Variants in DOK6 observed in about 807,000 individuals in gnomAD.
DOK6 encodes the protein docking protein 6.
In DOK6, 22 loss-of-function variants were observed where a neutral mutation model predicts 44.0. The observed-to-expected ratio is 0.50, with a 90% CI of 0.36 to 0.71. DOK6 has a LOEUF of 0.71. Among genes scored for constraint, DOK6 ranks in the 30% least tolerant of loss-of-function variants. DOK6 has a pLI of 0.00. For missense variants in DOK6, 340 were observed against 416.4 expected, an observed-to-expected ratio of 0.82 and a Z score of 1.60; for synonymous variants, 166 against 145.5, an observed-to-expected ratio of 1.14 and a Z score of -1.01.
chr18:69,643,679 T>C (rs1267796983), intron 3 of DOK6: 1 of 152,160 alleles, frequency 6.6e-6, no homozygotes, highest in Non-Finnish European at 1.5e-5. Context: ...CTGGGGCCAT[T>C]TGGGAGCCTT....
chr18:69,650,752 A>G (rs73463970), intron 3 of DOK6, among the ~76,000 whole-genome samples: 2,635 of 152,284 alleles, frequency 0.017, 72 homozygotes, highest in African/African-American at 0.06. Flanking sequence ...TCTCATGTTC[A>G]GTGTTCTTAC....
chr18:69,604,513 A>G (rs1476780839), intron 3 of DOK6, among the ~76,000 whole-genome samples: 1 of 152,214 alleles, frequency 6.6e-6, no homozygotes, highest in Non-Finnish European at 1.5e-5. Context: ...GTTTTCAACT[A>G]CTTTAAATAT....
intron 1 of DOK6, among the ~76,000 whole-genome samples, chr18:69,404,786 G>GGTGT (rs59807127): frequency 6.1e-4 from 92 of 149,944 alleles, no homozygotes; most frequent in African/African-American, 1.9e-3. Context: ...AGGATAGGGT[G>GGTGT]GTGTGTGTGT....
At chr18:69,403,215 C>A (rs1916135897) in intron 1 of DOK6, among the ~76,000 whole-genome samples, 1 of 152,146 alleles carries the variant, frequency 6.6e-6, no homozygotes, top group African/African-American at 2.4e-5. Flanking sequence ...GCCTGAGCAT[C>A]CCCTTCCTGC....
chr18:69,696,081 G>A (rs748526446), intron 4 of DOK6, among the ~76,000 whole-genome samples: 15 of 152,030 alleles, frequency 9.9e-5, no homozygotes, highest in African/African-American at 1.7e-4. Context: ...AGACAGAGAC[G>A]GAGACAGAGA....
chr18:69,451,043 C>T (rs1341948641), intron 1 of DOK6, among the ~76,000 whole-genome samples: 1 of 145,032 alleles, frequency 6.9e-6, no homozygotes, highest in Non-Finnish European at 1.5e-5. Flanking sequence ...ATGACAGGAT[C>T]AAATTCACAC....
chr18:69,764,848 G>A (rs571098234), intron 7 of DOK6, among the ~76,000 whole-genome samples: 1 of 152,214 alleles, frequency 6.6e-6, no homozygotes, highest in African/African-American at 2.4e-5. Flanking sequence ...AGCTTTAGGA[G>A]TTCTGCTTTC....
At chr18:69,670,879 A>G (rs1012139468) in intron 3 of DOK6, among the ~76,000 whole-genome samples, 1 of 152,092 alleles carries the variant, frequency 6.6e-6, no homozygotes, top group African/African-American at 2.4e-5. Context: ...ACAGAAATGC[A>G]TTCATTCTCA....
intron 7 of DOK6, among the ~76,000 whole-genome samples, chr18:69,822,933 T>C (rs945126780): frequency 6.6e-6 from 1 of 152,228 alleles, no homozygotes; most frequent in African/African-American, 2.4e-5. Context: ...ACATTTAGCT[T>C]TATAGTATTT....
At chr18:69,797,036 T>G (rs1310487440) in intron 7 of DOK6, among the ~76,000 whole-genome samples, 1 of 152,132 alleles carries the variant, frequency 6.6e-6, no homozygotes, top group Non-Finnish European at 1.5e-5. Context: ...TCTACTAATT[T>G]CTTTGAAGTT....
At chr18:69,617,892 C>T (rs997890076) in intron 3 of DOK6, among the ~76,000 whole-genome samples, 1 of 151,958 alleles carries the variant, frequency 6.6e-6, no homozygotes, top group African/African-American at 2.4e-5. Context: ...GTGAATGTGA[C>T]ATTATGCAGA....
At chr18:69,673,690 C>G (rs530099663) in intron 3 of DOK6, among the ~76,000 whole-genome samples, 3 of 152,132 alleles carry the variant, frequency 2.0e-5, no homozygotes, top group Non-Finnish European at 4.4e-5. Context: ...TGGAAATTAC[C>G]AAATTTCTTC....
rs1252173331 is a variant in DOK6, at chr18:69,605,071, TC to T, written c.289+5576del. Among the ~76,000 whole-genome samples, 9 of 142,544 alleles carry T rather than the reference TC, an allele frequency of 6.3e-5. No homozygotes were observed. The South Asian group carries it at 1.2e-3, about 18-fold the overall frequency. 93.5% of individuals were successfully genotyped at this position (142,544 alleles called of 152,430 possible). A position where few individuals can be genotyped will look rare whatever the true frequency, so the allele number is the denominator to read the frequency against. Reference sequence around the variant, plus strand: ...TTTTTGAGACCCCTGTTAGGAGAGATCCCTTTGTGTGTGTGTGTGTGTGTGT... The same window carrying T: ...TTTTTGAGACCCCTGTTAGGAGAGATCCTTTGTGTGTGTGTGTGTGTGTGT... On this transcript the variant is annotated intron_variant, in intron 3 of 7. Transcript: ENST00000382713.
chr18:69,456,790 C>T (rs780334387), intron 1 of DOK6, among the ~76,000 whole-genome samples: 66 of 152,258 alleles, frequency 4.3e-4, no homozygotes, highest in Non-Finnish European at 8.2e-4. Flanking sequence ...GTTCCCTTTT[C>T]TTCGAAGTCT....
chr18:69,599,240 G>A, intron 2 of DOK6, 144 bp from the exon 3 acceptor site: 3 of 622,650 alleles, frequency 4.8e-6, no homozygotes, highest in South Asian at 2.3e-5. Flanking sequence ...TTTCTTTACT[G>A]TTTTTGGCTA....
In DOK6 at chr18:69,658,055, G is replaced by A. The variant is rs1368785144; in HGVS notation, c.290-19679G>A. On this transcript the variant is annotated intron_variant, in intron 3 of 7. Transcript: ENST00000382713. ...TAGCCTCCATCTTCTGGGCTCAAGCGATCCTCCCACCCCAGCCTACTGAGG... is the reference window on the plus strand; with the variant it reads ...TAGCCTCCATCTTCTGGGCTCAAGCAATCCTCCCACCCCAGCCTACTGAGG... Among the ~76,000 whole-genome samples the A allele has an allele frequency of 2.6e-5, 4 of 152,096 alleles. No individual in the cohort carries two copies. The South Asian group carries it at 8.3e-4, about 32-fold the overall frequency.
intron 3 of DOK6, among the ~76,000 whole-genome samples, chr18:69,666,324 G>A (rs1414476943): frequency 2.6e-5 from 4 of 152,082 alleles, no homozygotes; most frequent in African/African-American, 4.8e-5. Flanking sequence ...GCATAACATG[G>A]ATCAGCCTCT....
intron 1 of DOK6, among the ~76,000 whole-genome samples, chr18:69,419,754 G>A (rs1004560119): frequency 1.3e-5 from 2 of 152,102 alleles, no homozygotes; most frequent in African/African-American, 4.8e-5. Context: ...TACACAGGAG[G>A]ATACAATGAT....
At chr18:69,520,128 A>G (rs1981645243) in intron 1 of DOK6, among the ~76,000 whole-genome samples, 1 of 151,864 alleles carries the variant, frequency 6.6e-6, no homozygotes, top group South Asian at 2.1e-4. Context: ...AAAAAACTTG[A>G]CATTTATTAT....
Sources: allele counts gnomAD v4.1 joint callset (sites outside exome capture counted in the v4.1 genomes callset), GRCh38; gene constraint gnomAD v4.1.1; transcripts MANE v1.5; gene names NCBI Gene and HGNC (gene_info 2026-07-23, HGNC 2026-07-21).